Variants in LARP1B observed in about 807,000 individuals in gnomAD.
LARP1B encodes la-related protein 1B.
LARP1B carries 76 observed loss-of-function variants against 114.2 expected under a neutral mutation model. The observed-to-expected ratio is 0.67, with a 90% CI of 0.55 to 0.81. The LOEUF (loss-of-function observed/expected upper bound fraction) is 0.81, where lower values mean the gene tolerates loss of function less well. LARP1B is among the 30% of genes least tolerant of loss of function. The pLI, the probability that LARP1B is intolerant of heterozygous loss-of-function variation, is 0.00. For missense variants in LARP1B, 1,014 were observed against 1,075.8 expected (o/e 0.94, Z 0.80); for synonymous variants, 345 against 348.0 (o/e 0.99, Z 0.10).
chr4:128,201,345 C>T (rs1383456744), intron 17 of LARP1B, among the ~76,000 whole-genome samples: 1 of 152,152 alleles, frequency 6.6e-6, no homozygotes, highest in African/African-American at 2.4e-5. Flanking sequence ...AATGAAATTA[C>T]AAAACTTTTC....
At chr4:128,080,898 T>C (rs1176183492) in intron 4 of LARP1B, among the ~76,000 whole-genome samples, 3 of 152,124 alleles carry the variant, frequency 2.0e-5, no homozygotes, top group Non-Finnish European at 4.4e-5. Flanking sequence ...AAATTAATAT[T>C]TTAGGCAGTG....
rs36202530 is a variant in LARP1B at position 128,153,292 on chromosome 4, CATTTATTTATTTATTTATTTATTTATTT to C, written c.1525-8887_1525-8860del. 9.3e-4 allele frequency among the ~76,000 whole-genome samples: 131 copies of C among 140,998 alleles called. 2 individuals are homozygous for C. Among genetic ancestry groups the C allele is most frequent in the African/African-American group, 3.2e-3 (121 of 37,820 alleles). 92.5% of individuals were successfully genotyped at this position (140,998 alleles called of 152,430 possible). A position where few individuals can be genotyped will look rare whatever the true frequency, so the allele number is the denominator to read the frequency against. On this transcript the variant is annotated intron_variant, in intron 11 of 19. Transcript: ENST00000326639. The stretch of plus-strand genomic sequence containing the variant: ...ACCACCACGCCTGGCCTTGGTTTGC[CATTTATTTATTTATTTATTTATTTATTT>C]ATTTATTTATTTATGAGACAGACTC...
chr4:128,132,990 C>A (rs972371108), intron 11 of LARP1B, among the ~76,000 whole-genome samples: 17 of 152,056 alleles, frequency 1.1e-4, no homozygotes, highest in African/African-American at 3.9e-4. Context: ...AGATTCCTCG[C>A]ATTTGCAGTT....
At chr4:128,208,819 T>A (rs1313437580) in intron 19 of LARP1B, among the ~76,000 whole-genome samples, 2 of 152,210 alleles carry the variant, frequency 1.3e-5, no homozygotes, top group Non-Finnish European at 2.9e-5. Context: ...TCAATAATAT[T>A]CTCCAGTCTC....
chr4:128,118,678 T>C lies in LARP1B; in HGVS notation c.1162-3148T>C, dbSNP rs1362788391. On this transcript the variant is annotated intron_variant, in intron 10 of 19. Coordinates refer to ENST00000326639, the MANE Select transcript of LARP1B (RefSeq NM_018078.4). ...TGATAGATCATCTAAATACTGGGCCTTGGGTGTTTAAAAAAAGTTCTCTTC... is the reference window on the plus strand; with the variant it reads ...TGATAGATCATCTAAATACTGGGCCCTGGGTGTTTAAAAAAAGTTCTCTTC... Among the ~76,000 whole-genome samples the C allele has an allele frequency of 4.6e-5, 7 of 152,152 alleles. No homozygotes were observed. The South Asian group carries it at 1.0e-3, about 23-fold the overall frequency.
intron 19 of LARP1B, 58 bp downstream of exon 19, chr4:128,207,441 TC>T: frequency 8.3e-7 from 1 of 1,203,096 alleles, no homozygotes; most frequent in Non-Finnish European, 1.1e-6. Flanking sequence ...CAGTCTCTTA[TC>T]AGTGACTTTT....
intron 12 of LARP1B, among the ~76,000 whole-genome samples, chr4:128,171,058 G>A (rs1292678430): frequency 6.6e-6 from 1 of 150,888 alleles, no homozygotes; most frequent in African/African-American, 2.4e-5. Flanking sequence ...TTTGGAATCA[G>A]TATTTTACCA....
At chr4:128,196,229 C>T (rs562678670) in intron 15 of LARP1B, among the ~76,000 whole-genome samples, 6 of 113,478 alleles carry the variant, frequency 5.3e-5, no homozygotes, top group East Asian at 2.7e-4. Flanking sequence ...TCAGCCTGGG[C>T]GACAGAGTGA....
chr4:128,176,168 T>A (rs1377272742), intron 12 of LARP1B, among the ~76,000 whole-genome samples: 2 of 134,788 alleles, frequency 1.5e-5, no homozygotes, highest in Non-Finnish European at 3.2e-5. Flanking sequence ...TAAATATATA[T>A]ATTATATATA....
Position 128,107,166 on chromosome 4 carries a change from A to G in LARP1B, c.841A>G (p.Ile281Val), listed in dbSNP as rs757663968. The change falls in exon 9 of 20, where the codon ATT becomes GTT. Residue 281 changes from isoleucine (I) to valine (V), a missense_variant. By Grantham distance (29) the Ile-to-Val change is conservative. Transcript: ENST00000326639. ...ACTGAAGGATAGCACAGAAGTAGAA[A>G]TTGTGGATGAGAAAATGAGAAAAAA... ...EALKDSTEVE[I>V]VDEKMRKKIE... 9.9e-6 allele frequency: 16 copies of G among 1,614,022 alleles called. No homozygotes were observed. Among genetic ancestry groups the G allele is most frequent in the African/African-American group, 1.3e-5 (1 of 74,930 alleles).
At chr4:128,208,629 A>G (rs985649616) in intron 19 of LARP1B, among the ~76,000 whole-genome samples, 10 of 152,202 alleles carry the variant, frequency 6.6e-5, no homozygotes, top group Non-Finnish European at 1.3e-4. Flanking sequence ...ACAACGGAAG[A>G]TTGGATGAGG....
chr4:128,096,938 G>A (rs1354160559), intron 7 of LARP1B, among the ~76,000 whole-genome samples: 1 of 151,818 alleles, frequency 6.6e-6, no homozygotes, highest in East Asian at 1.9e-4. Context: ...TCTTGCTCTC[G>A]CCCAGGCTGG....
downstream of LARP1B, among the ~76,000 whole-genome samples, chr4:128,214,462 T>G (rs544802082): frequency 2.4e-4 from 36 of 151,812 alleles, no homozygotes; most frequent in South Asian, 4.2e-3. Flanking sequence ...ATCTGAGAAC[T>G]GGCAGACTGC....
chr4:128,207,552 G>A (rs1211223748), intron 19 of LARP1B, among the ~76,000 whole-genome samples, 169 bp downstream of exon 19: 1 of 152,176 alleles, frequency 6.6e-6, no homozygotes, highest in Non-Finnish European at 1.5e-5. Flanking sequence ...CATATACTCT[G>A]TTCACTCAGA....
Position 128,121,869 on chromosome 4 carries a change from C to A in LARP1B, c.1205C>A (p.Ser402Tyr). Residue 402 changes from serine (S) to tyrosine (Y), a missense_variant, in exon 11 of 20, where the codon TCT (serine) becomes TAT (tyrosine). Physicochemically the swap from Ser to Tyr is moderately radical, Grantham distance 144. Coordinates refer to ENST00000326639, the MANE Select transcript of LARP1B (RefSeq NM_018078.4). ...GAAGGGTCATTAAATCAGCTATGTT[C>A]TTCAGAAGAACCAGAACAAGAAGAA... The part of the protein sequence containing the change: ...VPEGSLNQLC[S>Y]SEEPEQEELD... 1.9e-6 allele frequency: 3 copies of A among 1,609,550 alleles called. No homozygotes were observed. Among genetic ancestry groups the A allele is most frequent in the Non-Finnish European group, 1.7e-6 (2 of 1,178,402 alleles).
At chr4:128,123,677 A>G (rs1383069716) in intron 11 of LARP1B, 2 of 858,436 alleles carry the variant, frequency 2.3e-6, no homozygotes, top group Non-Finnish European at 2.8e-6. Flanking sequence ...GTTTGTGGGT[A>G]AATAAATTAT....
At chr4:128,187,492 T>G (rs1340529351) in intron 15 of LARP1B, among the ~76,000 whole-genome samples, 1 of 152,250 alleles carries the variant, frequency 6.6e-6, no homozygotes, top group Non-Finnish European at 1.5e-5. Flanking sequence ...TTTTGTGTAT[T>G]TACCCAAGGC....
rs567912555 is a variant in LARP1B, at chr4:128,107,708, C to T, written c.988+395C>T. On this transcript the variant is annotated intron_variant, in intron 9 of 19. Coordinates refer to ENST00000326639, the MANE Select transcript of LARP1B (RefSeq NM_018078.4). Reference sequence around the variant, plus strand: ...TCTTCCTTTAATTTTGTTACCAATACGCTTTAATCTTGTCTTGGAAAGATA... The same window carrying T: ...TCTTCCTTTAATTTTGTTACCAATATGCTTTAATCTTGTCTTGGAAAGATA... The T allele has an allele frequency of 5.2e-5, 75 of 1,441,426 alleles. No individual in the cohort carries two copies. The South Asian group carries it at 5.4e-4, about 10-fold the overall frequency. The allele number at this position is 1,441,426 out of a possible 1,614,324, so 89.3% of individuals were successfully genotyped here.
chr4:128,145,662 GT>G (rs1334753886), intron 11 of LARP1B, among the ~76,000 whole-genome samples: 1 of 152,168 alleles, frequency 6.6e-6, no homozygotes, highest in Admixed American at 6.5e-5. Context: ...CAGCAGGACA[GT>G]TATACTTTGC....
Sources: gnomAD v4.1 joint callset for allele counts (sites outside exome capture counted in the v4.1 genomes callset) on GRCh38, gnomAD v4.1.1 for gene constraint, MANE v1.5 for transcripts, NCBI Gene and HGNC (gene_info 2026-07-23, HGNC 2026-07-21) for gene names.